GLRX: variants seen among roughly 807,000 people sequenced by gnomAD.
GLRX encodes glutaredoxin.
A neutral mutation model predicts 11.1 loss-of-function variants in GLRX; 9 were observed. The observed-to-expected ratio is 0.81, with a 90% CI of 0.49 to 1.42. The LOEUF (loss-of-function observed/expected upper bound fraction) is 1.42. GLRX is among the 40% of genes most tolerant of loss of function. The pLI is 0.00. For missense variants in GLRX, 102 were observed against 126.2 expected, an observed-to-expected ratio of 0.81 and a Z score of 0.92; for synonymous variants, 49 against 49.5, an observed-to-expected ratio of 0.99 and a Z score of 0.04.
At chr5:95,821,828 A>C (rs889038278) in intron 1 of GLRX, among the ~76,000 whole-genome samples, 6 of 152,164 alleles carry the variant, frequency 3.9e-5, no homozygotes, top group African/African-American at 1.4e-4. Flanking sequence ...TTTGAGGACT[A>C]CTGGGGTGGT....
intron 1 of GLRX, among the ~76,000 whole-genome samples, chr5:95,820,506 C>T (rs951933499): frequency 1.3e-5 from 2 of 151,438 alleles, no homozygotes; most frequent in African/African-American, 4.9e-5. Context: ...GTCAGGAGTT[C>T]GAGACCAGGT....
At chr5:95,822,317 T>TCCCCCCCCCC in intron 1 of GLRX, 139 bp downstream of exon 1, 2 of 629,510 alleles carry the variant, frequency 3.2e-6, no homozygotes, top group Non-Finnish European at 2.8e-6. Flanking sequence ...TAAGGCGCCC[T>TCCCCCCCCCC]CCCCCACACC....
At position 95,815,853 on chromosome 5, in the gene GLRX, T is replaced by C. The variant is rs185932271; in HGVS notation, c.*6+654A>G. On this transcript the variant is annotated intron_variant, in intron 2 of 2. Transcript: ENST00000237858. ...AAGCCAAAATGACCTGTGTTTCACA[T>C]TGCGTTTTGAATAAATCCAAATTGT... 3.9e-5 allele frequency among the ~76,000 whole-genome samples: 6 copies of C among 152,380 alleles called. No homozygotes were observed. In the East Asian group the frequency reaches 7.7e-4, roughly 20 times the overall value.
intron 1 of GLRX, among the ~76,000 whole-genome samples, chr5:95,819,933 C>A (rs558106166): frequency 2.8e-5 from 4 of 145,250 alleles, no homozygotes; most frequent in Admixed American, 2.1e-4. Flanking sequence ...CCCTCGGGAG[C>A]TTTCAGACCC....
chr5:95,815,363 G>C (rs1746953515), intron 2 of GLRX, among the ~76,000 whole-genome samples: 1 of 152,164 alleles, frequency 6.6e-6, no homozygotes, highest in South Asian at 2.1e-4. Context: ...GTAGAATTCT[G>C]ATTAGAAGAT....
rs541983094 is a variant in GLRX, at chr5:95,816,756, C to A, written c.208-130G>T. 38 of 621,824 alleles carry A rather than the reference C, an allele frequency of 6.1e-5. No homozygotes were observed. The East Asian group carries it at 1.1e-3, about 17-fold the overall frequency. 38.5% of individuals were successfully genotyped at this position (621,824 alleles called of 1,614,324 possible). On this transcript the variant is annotated intron_variant, in intron 1 of 2. Coordinates refer to ENST00000237858, the MANE Select transcript of GLRX (RefSeq NM_001118890.2). ...TTTAAAACCTCCTTATGTATATGCT[C>A]ACAGGACAGGACTTCCTTTCTGTTA... is the stretch of plus-strand genomic sequence containing the variant.
chr5:95,820,331 A>G (rs1220517433), intron 1 of GLRX, among the ~76,000 whole-genome samples: 1 of 145,680 alleles, frequency 6.9e-6, no homozygotes, highest in Non-Finnish European at 1.5e-5. Flanking sequence ...AGCCTGGGTG[A>G]CAGAGCAAGA....
rs1747299510 is a variant in GLRX, at chr5:95,822,725, G to GC, written c.-64dup. 1.4e-6 allele frequency: 2 copies of GC among 1,387,588 alleles called. No homozygotes were observed. The highest frequency in any genetic ancestry group is 1.8e-5 in the Admixed American group (1 of 54,170). 86.0% of individuals were successfully genotyped at this position (1,387,588 alleles called of 1,614,324 possible). A position where few individuals can be genotyped will look rare whatever the true frequency, so the allele number is the denominator to read the frequency against. On this transcript the variant is annotated 5_prime_UTR_variant, in exon 1 of 3. Transcript: ENST00000237858. ...TTGCAGGTATTGCTTGGGGTATTGA[G>GC]CCCCGACCCAGCCAGTTGGCTCCTA...
At position 95,816,592 on chromosome 5, in the gene GLRX, C is replaced by A; in HGVS notation, c.242G>T (p.Gly81Val). The change falls in exon 2 of 3, where the codon GGC (glycine) becomes GTC (valine). Residue 81 changes from glycine to valine, a missense_variant. Coordinates refer to ENST00000237858, the MANE Select transcript of GLRX (RefSeq NM_001118890.2). ...PRVFIGKDCI[G>V]GCSDLVSLQQ... ...CAAAGAGACTAGATCACTGCATCCGCCTATACAATCTTTACCAATAAAGAC... is the reference window on the plus strand; with the variant it reads ...CAAAGAGACTAGATCACTGCATCCGACTATACAATCTTTACCAATAAAGAC... 6.2e-7 allele frequency: 1 copy of A among 1,607,694 alleles called. No homozygotes were observed. The highest frequency in any genetic ancestry group is 1.1e-5 in the South Asian group (1 of 90,944).
At chr5:95,816,266 A>G (rs1388343968) in intron 2 of GLRX, 1 of 436,112 alleles carries the variant, frequency 2.3e-6, no homozygotes, top group East Asian at 4.2e-5. Context: ...TTATATTCTC[A>G]TGTGTCTGGC....
chr5:95,816,411 C>T, intron 2 of GLRX, 96 bp downstream of exon 2: 2 of 665,020 alleles, frequency 3.0e-6, no homozygotes, highest in Non-Finnish European at 5.6e-6. Context: ...TCATTTCTTC[C>T]CCCAACCAGA....
intron 1 of GLRX, among the ~76,000 whole-genome samples, chr5:95,820,189 C>T (rs979975013): frequency 3.3e-5 from 5 of 151,150 alleles, no homozygotes; most frequent in African/African-American, 1.2e-4. Flanking sequence ...CCCATCTGTA[C>T]AAAAACTTAA....
At chr5:95,822,413 G>T in intron 1 of GLRX, 43 bp downstream of exon 1, 1 of 1,481,646 alleles carries the variant, frequency 6.7e-7, no homozygotes, top group Non-Finnish European at 9.4e-7. Context: ...ACAAGAAAAG[G>T]CAATCCGGGA....
At chr5:95,821,284 G>A (rs998828009) in intron 1 of GLRX, among the ~76,000 whole-genome samples, 8 of 152,182 alleles carry the variant, frequency 5.3e-5, no homozygotes, top group African/African-American at 1.4e-4. Context: ...AGTGGGGCCC[G>A]TAGTAGTGTT....
In GLRX at chr5:95,814,378, T is replaced by G. The variant is rs1239749609; in HGVS notation, c.*18A>C. 1 of 152,664 alleles carries G rather than the reference T, an allele frequency of 6.6e-6. No individual in the cohort carries two copies. Among genetic ancestry groups the G allele is most frequent in the East Asian group, 1.9e-4 (1 of 5,198 alleles). The allele number at this position is 152,664 out of a possible 1,614,324, so 9.5% of individuals were successfully genotyped here. ...GACCTTTCACAGAATTGTTGAACAT[T>G]TCCTATGAGATCTGTGGAGGACAAG... is the stretch of plus-strand genomic sequence containing the variant. On this transcript the variant is annotated 3_prime_UTR_variant, in exon 3 of 3. Coordinates refer to ENST00000237858, the MANE Select transcript of GLRX (RefSeq NM_001118890.2).
At chr5:95,821,056 T>C (rs960338415) in intron 1 of GLRX, among the ~76,000 whole-genome samples, 3 of 152,080 alleles carry the variant, frequency 2.0e-5, no homozygotes, top group Admixed American at 6.5e-5. Flanking sequence ...TGAGCCAAGA[T>C]TGCACCATTG....
intron 1 of GLRX, among the ~76,000 whole-genome samples, chr5:95,820,771 TGAG>T (rs984640583): frequency 7.2e-5 from 11 of 151,774 alleles, no homozygotes; most frequent in African/African-American, 2.7e-4. Context: ...GCTGTTGGGC[TGAG>T]AACAATAATC....
chr5:95,819,824 G>T (rs571417144), intron 1 of GLRX, among the ~76,000 whole-genome samples: 1 of 150,400 alleles, frequency 6.6e-6, no homozygotes, highest in Non-Finnish European at 1.5e-5. Flanking sequence ...GCGTGAACCC[G>T]GGAGGTGGAG....
chr5:95,822,396 A>G, intron 1 of GLRX, 60 bp downstream of exon 1: 2 of 1,337,246 alleles, frequency 1.5e-6, no homozygotes, highest in Non-Finnish European at 2.2e-6. Context: ...AGAAAGGCAC[A>G]GCTCTGACAA....
Sources: gnomAD v4.1 joint callset for allele counts (sites outside exome capture counted in the v4.1 genomes callset) on GRCh38, gnomAD v4.1.1 for gene constraint, MANE v1.5 for transcripts, NCBI Gene and HGNC (gene_info 2026-07-23, HGNC 2026-07-21) for gene names.